The following ABCA13 variants were observed in gnomAD, a reference collection of about 807,000 sequenced individuals.
ABCA13 encodes the protein ATP binding cassette subfamily A member 13.
ABCA13 carries 476 observed loss-of-function variants against 478.7 expected under a neutral mutation model. The ratio of observed to expected loss-of-function variants is 0.99; its 90% confidence interval spans 0.92 to 1.07. The LOEUF is 1.07. ABCA13 is among the 50% of genes least tolerant of loss of function. The pLI is 0.00. For missense variants in ABCA13, 6,060 were observed against 5,910.6 expected (o/e 1.03, Z -0.83); for synonymous variants, 2,252 against 2,158.9 (o/e 1.04, Z -1.20).
At chr7:48,514,533 T>TA (rs1831964705) in intron 51 of ABCA13, among the ~76,000 whole-genome samples, 2 of 152,242 alleles carry the variant, frequency 1.3e-5, no homozygotes, top group Admixed American at 1.3e-4. Context: ...TTATAGCAAT[T>TA]ACAGCTGCCC....
At chr7:48,629,402 A>G (rs1360004000) in intron 59 of ABCA13, among the ~76,000 whole-genome samples, 3 of 152,052 alleles carry the variant, frequency 2.0e-5, no homozygotes, top group Non-Finnish European at 4.4e-5. Context: ...GATTTGGGAG[A>G]AGCTTTTCTT....
Position 48,278,394 on chromosome 7 carries a change from G to A in ABCA13, c.7200G>A (p.Glu2400=), listed in dbSNP as rs1796581168. The A allele has an allele frequency of 1.9e-6, 3 of 1,613,696 alleles. No individual in the cohort carries two copies. Among genetic ancestry groups the A allele is most frequent in the Non-Finnish European group, 2.5e-6 (3 of 1,179,840 alleles). ...TGTTTTTCCATGTGAATAAGTCTGA[G>A]GACCTCTTCAAACTCAATCAAGATC... The part of the protein sequence containing the change: ...SQLFFHVNKS[E]DLFKLNQDLG... Residue 2400 remains glutamate (E), a synonymous_variant, in exon 18 of 62, where the codon GAG becomes GAA. Transcript: ENST00000435803.
At chr7:48,523,589 TATA>T in intron 53 of ABCA13, among the ~76,000 whole-genome samples, 1 of 151,984 alleles carries the variant, frequency 6.6e-6, no homozygotes. Flanking sequence ...AATGATTAAA[TATA>T]ATAATTAAAA....
intron 48 of ABCA13, among the ~76,000 whole-genome samples, chr7:48,503,947 T>C (rs1227713322): frequency 6.6e-6 from 1 of 152,226 alleles, no homozygotes; most frequent in Non-Finnish European, 1.5e-5. Flanking sequence ...CATTTTGTAA[T>C]GTATACATAT....
intron 6 of ABCA13, among the ~76,000 whole-genome samples, chr7:48,228,228 G>A (rs1295082211): frequency 2.0e-5 from 3 of 152,174 alleles, no homozygotes; most frequent in Non-Finnish European, 2.9e-5. Flanking sequence ...CTGTGCTTTG[G>A]GGAGGTCCCC....
At chr7:48,254,023 A>T (rs1290009583) in intron 15 of ABCA13, among the ~76,000 whole-genome samples, 2 of 146,836 alleles carry the variant, frequency 1.4e-5, no homozygotes, top group East Asian at 2.0e-4. Flanking sequence ...TCTATGCCTC[A>T]GTCTGGGTGG....
At chr7:48,415,506 T>A (rs964393145) in intron 41 of ABCA13, among the ~76,000 whole-genome samples, 1 of 152,170 alleles carries the variant, frequency 6.6e-6, no homozygotes, top group Non-Finnish European at 1.5e-5. Context: ...TGTAGGAATA[T>A]GGACCAAGCA....
Position 48,266,248 on chromosome 7 carries a change from C to CT in ABCA13, c.2006-2729dup, listed in dbSNP as rs551335177. On this transcript the variant is annotated intron_variant, in intron 15 of 61. Transcript: ENST00000435803. ...CTTTAGTAGTCTTTTTAAAATTTGT[C>CT]TTTGTCTTATATTTATAGGTAATCA... 2.0e-5 allele frequency among the ~76,000 whole-genome samples: 3 copies of CT among 151,474 alleles called. No homozygotes were observed. The South Asian group carries it at 6.2e-4, about 31-fold the overall frequency.
At chr7:48,217,139 T>C (rs73339701) in intron 3 of ABCA13, among the ~76,000 whole-genome samples, 17,550 of 152,192 alleles carry the variant, frequency 0.12, 1,183 homozygotes, top group East Asian at 0.22. Context: ...TACCTGCTCT[T>C]GTGTATTTAC....
chr7:48,325,116 T>C (rs1804128075), intron 27 of ABCA13, among the ~76,000 whole-genome samples: 2 of 152,222 alleles, frequency 1.3e-5, no homozygotes, highest in African/African-American at 4.8e-5. Flanking sequence ...TAGACATGCC[T>C]ATCCATGGGA....
chr7:48,466,270 G>A (rs1826866907), intron 43 of ABCA13, among the ~76,000 whole-genome samples: 1 of 152,140 alleles, frequency 6.6e-6, no homozygotes, highest in Admixed American at 6.5e-5. Context: ...TCCCCACAGT[G>A]ACATGAATAG....
At chr7:48,222,857 A>T (rs2128971274) in intron 5 of ABCA13, among the ~76,000 whole-genome samples, 1 of 152,030 alleles carries the variant, frequency 6.6e-6, no homozygotes, top group South Asian at 2.1e-4. Flanking sequence ...TTTTTGGAGG[A>T]TTTCTTTGGA....
At chr7:48,307,436 A>G (rs565345522) in intron 23 of ABCA13, among the ~76,000 whole-genome samples, 2 of 152,326 alleles carry the variant, frequency 1.3e-5, no homozygotes, top group South Asian at 4.1e-4. Flanking sequence ...AAAATATGGT[A>G]TAAAAGATAA....
chr7:48,191,104 G>T (rs1018634899), intron 1 of ABCA13, among the ~76,000 whole-genome samples: 4 of 152,200 alleles, frequency 2.6e-5, no homozygotes, highest in African/African-American at 9.6e-5. Context: ...TATTCAGTCA[G>T]AATTAATGAT....
chr7:48,602,423 G>A (rs554014763), intron 58 of ABCA13, among the ~76,000 whole-genome samples: 1 of 152,260 alleles, frequency 6.6e-6, no homozygotes, highest in Admixed American at 6.5e-5. Context: ...AAGTGATCCA[G>A]TTTCAGCTTT....
chr7:48,234,600 C>T (rs7804075), intron 8 of ABCA13, among the ~76,000 whole-genome samples: 78,559 of 151,972 alleles, frequency 0.52, 20,875 homozygotes, highest in East Asian at 0.82. Context: ...CTGGGTTCAC[C>T]AAAGTTGAGC....
In ABCA13 at chr7:48,615,290, A is replaced by T; in HGVS notation, c.14750A>T (p.Glu4917Val). 1 of 1,547,784 alleles carries T rather than the reference A, an allele frequency of 6.5e-7. No homozygotes were observed. The highest frequency in any genetic ancestry group is 2.4e-5 in the East Asian group (1 of 42,468). Residue 4917 changes from glutamate (E) to valine (V), a missense_variant, in exon 59 of 62, where the codon GAG becomes GTG. Glu to Val is a moderately radical substitution (Grantham distance 121). Coordinates refer to ENST00000435803, the MANE Select transcript of ABCA13 (RefSeq NM_152701.5). ...TCTCTTTTCCTTCTTTACAGCATGG[A>T]GGAGTGTGAGGCTCTTTGCACAAGA... The part of the protein sequence containing the change: ...CAAVLTSHSM[E>V]ECEALCTRLA...
At chr7:48,523,971 A>T (rs940028785) in intron 53 of ABCA13, among the ~76,000 whole-genome samples, 2 of 152,200 alleles carry the variant, frequency 1.3e-5, no homozygotes, top group Non-Finnish European at 2.9e-5. Flanking sequence ...ATCTGGCATG[A>T]TCTTATTCAT....
chr7:48,270,979 G>A (rs1475674047), intron 16 of ABCA13, among the ~76,000 whole-genome samples: 14 of 152,094 alleles, frequency 9.2e-5, no homozygotes, highest in African/African-American at 3.1e-4. Flanking sequence ...ATCCTGCGTC[G>A]CGAGATCATT....
Sources: allele counts gnomAD v4.1 joint callset (sites outside exome capture counted in the v4.1 genomes callset), GRCh38; gene constraint gnomAD v4.1.1; transcripts MANE v1.5; gene names NCBI Gene and HGNC (gene_info 2026-07-23, HGNC 2026-07-21).